Variants in QDPR observed in about 807,000 individuals in gnomAD.
QDPR encodes the protein quinoid dihydropteridine reductase.
In QDPR, 23 loss-of-function variants were observed where a neutral mutation model predicts 31.7. The ratio of observed to expected loss-of-function variants is 0.73; its 90% CI spans 0.52 to 1.03. QDPR has a LOEUF of 1.03. Ranked by LOEUF, QDPR falls within the 50% of genes least tolerant of loss-of-function variation. QDPR has a pLI of 0.00. For missense variants in QDPR, 324 were observed against 323.8 expected, an observed-to-expected ratio of 1.00 and a Z score of 0.00; for synonymous variants, 124 against 124.7, an observed-to-expected ratio of 0.99 and a Z score of 0.03.
intron 2 of QDPR, among the ~76,000 whole-genome samples, chr4:17,506,818 A>C (rs1200802688): frequency 6.6e-6 from 1 of 152,232 alleles, no homozygotes; most frequent in East Asian, 1.9e-4. Context: ...ACAAAAATGA[A>C]GTGCTAAAAT....
chr4:17,494,477 G>A (rs139030496), intron 4 of QDPR, among the ~76,000 whole-genome samples: 132 of 152,166 alleles, frequency 8.7e-4, no homozygotes, highest in African/African-American at 3.1e-3. Context: ...TGTGCCACTG[G>A]GACCCCTCCT....
chr4:17,499,685 C>T (rs1718491021), intron 4 of QDPR, among the ~76,000 whole-genome samples: 1 of 152,158 alleles, frequency 6.6e-6, no homozygotes, highest in African/African-American at 2.4e-5. Flanking sequence ...TCCGGGAGGC[C>T]AAGGCAGGAG....
intron 4 of QDPR, among the ~76,000 whole-genome samples, chr4:17,495,302 G>T (rs774690221): frequency 6.6e-6 from 1 of 152,102 alleles, no homozygotes; most frequent in African/African-American, 2.4e-5. Context: ...GCCTGCTCCC[G>T]GGCATCAAAA....
intron 6 of QDPR, chr4:17,490,452 C>T (rs1226340430): frequency 2.3e-5 from 13 of 564,064 alleles, no homozygotes; most frequent in Non-Finnish European, 4.3e-5. Context: ...TTCATGTCGG[C>T]ACTACCCATT....
intron 6 of QDPR, among the ~76,000 whole-genome samples, chr4:17,487,453 C>T (rs1270976999): frequency 6.6e-6 from 1 of 151,498 alleles, no homozygotes; most frequent in Non-Finnish European, 1.5e-5. Context: ...AGTTCGAGAC[C>T]AGCCTGGCCA....
intron 2 of QDPR, among the ~76,000 whole-genome samples, chr4:17,506,410 C>G (rs1718789961): frequency 6.6e-6 from 1 of 152,226 alleles, no homozygotes. Context: ...GGACTACTGG[C>G]ATGAGCCACT....
Position 17,497,309 on chromosome 4 carries a change from C to T in QDPR, c.436+4410G>A, listed in dbSNP as rs115671235. Among the ~76,000 whole-genome samples, 1,158 of 152,174 alleles carry T rather than the reference C, an allele frequency of 7.6e-3. 6 individuals carry two copies. The highest frequency in any genetic ancestry group is 0.026 in the African/African-American group (1,096 of 41,508). The stretch of plus-strand genomic sequence containing the variant: ...TAAATTATTTAAATAAAAACTAATA[C>T]AGTGCCTTGTCTTTTCCCATAAGCT... On this transcript the variant is annotated intron_variant, in intron 4 of 6. Transcript: ENST00000281243.
At chr4:17,500,493 A>T (rs1459987223) in intron 4 of QDPR, among the ~76,000 whole-genome samples, 1 of 152,190 alleles carries the variant, frequency 6.6e-6, no homozygotes, top group African/African-American at 2.4e-5. Context: ...AAATGAGCCC[A>T]TTGAGATGGG....
chr4:17,501,928 A>G lies in QDPR; in HGVS notation c.296-69T>C, dbSNP rs3733572. ...ACCAAAAGGTGAGCTCAACTCATGC[A>G]GCCCCACACTCAGGGAGGCCCTCCC... On this transcript the variant is annotated intron_variant, in intron 3 of 6. Transcript: ENST00000281243. The G allele has an allele frequency of 0.044, 69,914 of 1,602,498 alleles. 7,229 individuals carry two copies. The East Asian group carries it at 0.47, about 11-fold the overall frequency.
intron 4 of QDPR, among the ~76,000 whole-genome samples, chr4:17,493,478 T>A (rs1718242204): frequency 1.3e-5 from 2 of 152,102 alleles, no homozygotes; most frequent in African/African-American, 4.8e-5. Context: ...CTGGGCCACT[T>A]AGACTTCTGA....
Position 17,499,984 on chromosome 4 carries a change from CT to C in QDPR, c.436+1734del, listed in dbSNP as rs967604487. ...GAGAGTCAAAAAGAGCTCCCCCCAC[CT>C]TTTTTTTTTTTCTTTTGAGAGGGAG... is the stretch of plus-strand genomic sequence containing the variant. On this transcript the variant is annotated intron_variant, in intron 4 of 6. Coordinates refer to ENST00000281243, the MANE Select transcript of QDPR (RefSeq NM_000320.3). Among the ~76,000 whole-genome samples the C allele has an allele frequency of 9.2e-3, 1,351 of 146,080 alleles. 11 individuals carry two copies. Among genetic ancestry groups the C allele is most frequent in the African/African-American group, 0.028 (1,132 of 40,166 alleles).
intron 4 of QDPR, among the ~76,000 whole-genome samples, chr4:17,501,423 T>C (rs1718556717): frequency 6.6e-6 from 1 of 152,154 alleles, no homozygotes; most frequent in Admixed American, 6.5e-5. Context: ...TGTTTATTAA[T>C]TAATTAATAT....
chr4:17,504,500 T>C, intron 2 of QDPR, 25 bp from the exon 3 acceptor site: 2 of 1,576,520 alleles, frequency 1.3e-6, no homozygotes, highest in African/African-American at 1.3e-5. Flanking sequence ...CAAAAAAATG[T>C]ATAAACTGTA....
At chr4:17,506,757 G>GT (rs1303739699) in intron 2 of QDPR, among the ~76,000 whole-genome samples, 1 of 152,184 alleles carries the variant, frequency 6.6e-6, no homozygotes, top group Non-Finnish European at 1.5e-5. Flanking sequence ...AGGTCAATCT[G>GT]TATGACTTAG....
At chr4:17,506,594 G>A (rs903377199) in intron 2 of QDPR, among the ~76,000 whole-genome samples, 3 of 152,184 alleles carry the variant, frequency 2.0e-5, no homozygotes, top group African/African-American at 7.2e-5. Context: ...GCCTTTCTGT[G>A]CCTCAGTTAC....
In QDPR at chr4:17,493,808, G is replaced by C. The variant is rs543236975; in HGVS notation, c.437-1468C>G. Among the ~76,000 whole-genome samples, 50 of 152,274 alleles carry C rather than the reference G, an allele frequency of 3.3e-4. No individual in the cohort carries two copies. The South Asian group carries it at 9.7e-3, about 30-fold the overall frequency. The stretch of plus-strand genomic sequence containing the variant: ...TTCCAGGAGGTCGGTAGGTGGAGCT[G>C]AAAGTTCTAACCTCCTAATTGCTTG... On this transcript the variant is annotated intron_variant, in intron 4 of 6. Coordinates refer to ENST00000281243, the MANE Select transcript of QDPR (RefSeq NM_000320.3).
intron 5 of QDPR, 119 bp from the exon 6 acceptor site, chr4:17,490,864 T>C (rs756906146): frequency 1.1e-4 from 83 of 729,058 alleles, no homozygotes; most frequent in Non-Finnish European, 1.9e-4. Flanking sequence ...CCTCTGGCAC[T>C]GAGGGTGCTA....
At chr4:17,487,541 G>C (rs1261448173) in intron 6 of QDPR, among the ~76,000 whole-genome samples, 1 of 152,110 alleles carries the variant, frequency 6.6e-6, no homozygotes, top group Non-Finnish European at 1.5e-5. Flanking sequence ...AGCTACTCAG[G>C]AGGCTGAGGA....
At chr4:17,509,122 C>A (rs1718901529) in intron 2 of QDPR, 149 bp downstream of exon 2, 1 of 659,158 alleles carries the variant, frequency 1.5e-6, no homozygotes, top group East Asian at 3.1e-5. Flanking sequence ...CATGCCACTG[C>A]ACTCCAGCCT....
Sources: gnomAD v4.1 joint callset for allele counts (sites outside exome capture counted in the v4.1 genomes callset) on GRCh38, gnomAD v4.1.1 for gene constraint, MANE v1.5 for transcripts, NCBI Gene and HGNC (gene_info 2026-07-23, HGNC 2026-07-21) for gene names.